The following NCAM2 variants were observed in gnomAD, a reference collection of about 807,000 sequenced individuals.
NCAM2 encodes the protein N-CAM-2.
In NCAM2, 30 loss-of-function variants were observed where a neutral mutation model predicts 98.1. That is an observed-to-expected ratio of 0.31 (90% confidence interval 0.23 to 0.41). NCAM2 has a LOEUF of 0.41. NCAM2 is among the 10% of genes least tolerant of loss of function. NCAM2 has a pLI of 1.00. For missense variants in NCAM2, 867 were observed against 1,005.8 expected, an observed-to-expected ratio of 0.86 and a Z score of 1.87; for synonymous variants, 368 against 342.4, an observed-to-expected ratio of 1.07 and a Z score of -0.83.
intron 12 of NCAM2, among the ~76,000 whole-genome samples, chr21:21,444,840 T>C (rs567958692): frequency 6.6e-6 from 1 of 152,244 alleles, no homozygotes; most frequent in South Asian, 2.1e-4. Context: ...CCTTCAATTC[T>C]TCTCTGATCT....
intron 12 of NCAM2, among the ~76,000 whole-genome samples, chr21:21,455,086 G>C (rs1017542441): frequency 2.0e-5 from 3 of 151,006 alleles, no homozygotes; most frequent in Non-Finnish European, 3.0e-5. Context: ...TTTCATAAGG[G>C]AAGATTATAT....
rs1990094979 is a variant in NCAM2 at position 21,538,347 on chromosome 21, C to T, written c.*390C>T. 6.5e-6 allele frequency: 1 copy of T among 153,186 alleles called. No individual in the cohort carries two copies. Among genetic ancestry groups the T allele is most frequent in the Non-Finnish European group, 1.5e-5 (1 of 68,560 alleles). The allele number at this position is 153,186 out of a possible 1,614,324, so 9.5% of individuals were successfully genotyped here. A position where few individuals can be genotyped will look rare whatever the true frequency, so the allele number is the denominator to read the frequency against. On this transcript the variant is annotated 3_prime_UTR_variant, in exon 18 of 18. Transcript: ENST00000400546. ...CGTGAGCTACATGTGTAAGAAGGCC[C>T]TGCATGTGTATGAGTCCTATTCTGG...
intron 8 of NCAM2, among the ~76,000 whole-genome samples, chr21:21,370,705 C>G (rs73894635): frequency 6.6e-6 from 1 of 151,726 alleles, no homozygotes; most frequent in African/African-American, 2.4e-5. Flanking sequence ...CCTGGTCATT[C>G]AGCTGCTAAA....
At chr21:21,472,667 ATAAT>A (rs761414383) in intron 14 of NCAM2, among the ~76,000 whole-genome samples, 4 of 150,868 alleles carry the variant, frequency 2.7e-5, no homozygotes, top group Non-Finnish European at 5.9e-5. Flanking sequence ...TATAAATAGA[ATAAT>A]TAATATGAGA....
chr21:21,062,542 G>T (rs1461052293), intron 1 of NCAM2, among the ~76,000 whole-genome samples: 1 of 152,150 alleles, frequency 6.6e-6, no homozygotes, highest in African/African-American at 2.4e-5. Flanking sequence ...TTTAGGACTT[G>T]CCCTCATAAG....
At position 21,509,074 on chromosome 21, in the gene NCAM2, C is replaced by T; in HGVS notation, c.2282+19C>T. 1 of 1,611,764 alleles carries T rather than the reference C, an allele frequency of 6.2e-7. No homozygotes were observed. The highest frequency in any genetic ancestry group is 8.5e-7 in the Non-Finnish European group (1 of 1,178,672). On this transcript the variant is annotated intron_variant, in intron 16 of 17. Transcript: ENST00000400546. ...CATACCTGTGAGTATCAGGCATCTA[C>T]ATCATGTCATATTAAACAAGCGCCA...
intron 1 of NCAM2, among the ~76,000 whole-genome samples, chr21:21,156,375 C>T (rs1159359290): frequency 6.6e-6 from 1 of 151,946 alleles, no homozygotes; most frequent in Non-Finnish European, 1.5e-5. Context: ...CAATGTTTTG[C>T]CATCAAATCA....
chr21:21,453,539 A>G (rs1981660935), intron 12 of NCAM2, among the ~76,000 whole-genome samples: 1 of 152,094 alleles, frequency 6.6e-6, no homozygotes, highest in African/African-American at 2.4e-5. Flanking sequence ...AATTCTAGAA[A>G]GGAGTATAGG....
At chr21:21,348,605 T>G (rs1414016717) in intron 8 of NCAM2, among the ~76,000 whole-genome samples, 3 of 116,842 alleles carry the variant, frequency 2.6e-5, no homozygotes, top group East Asian at 6.0e-4. Flanking sequence ...TTTCTAAAAT[T>G]TATATGGAAC....
chr21:21,363,775 G>T (rs190802230), intron 8 of NCAM2, among the ~76,000 whole-genome samples: 1 of 151,866 alleles, frequency 6.6e-6, no homozygotes, highest in African/African-American at 2.4e-5. Context: ...TATGGTTGTT[G>T]CAGCATTGTA....
intron 12 of NCAM2, among the ~76,000 whole-genome samples, chr21:21,435,665 G>T (rs1978305499): frequency 6.6e-6 from 1 of 152,054 alleles, no homozygotes; most frequent in Non-Finnish European, 1.5e-5. Context: ...AATTGTCTCA[G>T]TTGAAAATTA....
At chr21:21,231,263 C>A (rs1160537345) in intron 1 of NCAM2, among the ~76,000 whole-genome samples, 1 of 151,090 alleles carries the variant, frequency 6.6e-6, no homozygotes, top group Non-Finnish European at 1.5e-5. Context: ...TTGGAACATC[C>A]AAAATATTAC....
chr21:21,291,549 A>G (rs1386041059), intron 4 of NCAM2, among the ~76,000 whole-genome samples: 1 of 151,892 alleles, frequency 6.6e-6, no homozygotes, highest in African/African-American at 2.4e-5. Flanking sequence ...TATTCCTAAT[A>G]CAGATTATCT....
intron 1 of NCAM2, chr21:21,239,455 C>T (rs906982131): frequency 6.6e-6 from 1 of 152,150 alleles, no homozygotes; most frequent in African/African-American, 2.4e-5. Flanking sequence ...AATTATCTCC[C>T]TTTAAAGATA....
chr21:21,258,777 A>C (rs1033896408), intron 1 of NCAM2, among the ~76,000 whole-genome samples: 5 of 151,964 alleles, frequency 3.3e-5, no homozygotes, highest in Non-Finnish European at 5.9e-5. Context: ...TTCTCCCACA[A>C]ACATACCCAC....
At chr21:21,074,319 A>C (rs1202531544) in intron 1 of NCAM2, among the ~76,000 whole-genome samples, 2 of 152,078 alleles carry the variant, frequency 1.3e-5, no homozygotes, top group Non-Finnish European at 2.9e-5. Context: ...CATTTATTTT[A>C]CATTAATTTA....
chr21:21,322,922 T>C (rs956549034), intron 5 of NCAM2, among the ~76,000 whole-genome samples: 5 of 152,154 alleles, frequency 3.3e-5, no homozygotes, highest in Non-Finnish European at 7.4e-5. Flanking sequence ...TGGGAGTTAA[T>C]AGAACTACTT....
chr21:21,320,228 A>T (rs1601964340), intron 5 of NCAM2, among the ~76,000 whole-genome samples: 2 of 152,318 alleles, frequency 1.3e-5, no homozygotes, highest in South Asian at 4.1e-4. Flanking sequence ...AACAAGACGG[A>T]TATACCAAAT....
chr21:21,278,501 A>G (rs1791004782), intron 1 of NCAM2, among the ~76,000 whole-genome samples: 1 of 152,204 alleles, frequency 6.6e-6, no homozygotes. Context: ...GAGAGTACCT[A>G]AAATCTATTT....
Sources: gnomAD v4.1 joint callset for allele counts (sites outside exome capture counted in the v4.1 genomes callset) on GRCh38, gnomAD v4.1.1 for gene constraint, MANE v1.5 for transcripts, NCBI Gene and HGNC (gene_info 2026-07-23, HGNC 2026-07-21) for gene names.